The following CSMD3 variants were observed in gnomAD, a reference collection of about 807,000 sequenced individuals.
The protein encoded by CSMD3 is CUB and sushi domain-containing protein 3.
CSMD3 carries 177 observed loss-of-function variants against 435.2 expected under a neutral mutation model. That is an observed-to-expected ratio of 0.41 (90% CI 0.36 to 0.46). The LOEUF (loss-of-function observed/expected upper bound fraction) is 0.46, where lower values mean the gene tolerates loss of function less well. Among genes scored for constraint, CSMD3 ranks in the 20% least tolerant of loss-of-function variants. The pLI is 0.34. For synonymous variants in CSMD3, 1,656 were observed against 1,520.5 expected (o/e 1.09, Z -2.07); for missense variants, 4,265 against 4,504.6 (o/e 0.95, Z 1.52).
chr8:112,249,407 T>C (rs944496158), intron 63 of CSMD3, among the ~76,000 whole-genome samples: 11 of 152,030 alleles, frequency 7.2e-5, no homozygotes, highest in African/African-American at 2.4e-4. Flanking sequence ...TCAGTGGATC[T>C]GGGGTAGGTC....
chr8:112,636,512 T>C (rs992335579), intron 22 of CSMD3, among the ~76,000 whole-genome samples: 24 of 151,946 alleles, frequency 1.6e-4, no homozygotes, highest in African/African-American at 5.1e-4. Flanking sequence ...TCTATCTTTC[T>C]CCATATATCT....
chr8:113,026,215 C>T (rs1432364803), intron 5 of CSMD3, among the ~76,000 whole-genome samples: 1 of 152,182 alleles, frequency 6.6e-6, no homozygotes, highest in Non-Finnish European at 1.5e-5. Context: ...TCCAGCTTAA[C>T]TTTTTCTCAC....
At chr8:113,382,207 C>T (rs565399811) in intron 1 of CSMD3, among the ~76,000 whole-genome samples, 9 of 152,026 alleles carry the variant, frequency 5.9e-5, no homozygotes, top group Admixed American at 1.3e-4. Context: ...TCTTTAAAAA[C>T]GTTGTGCTTA....
chr8:112,500,030 A>T (rs952043949), intron 30 of CSMD3, among the ~76,000 whole-genome samples: 2 of 152,130 alleles, frequency 1.3e-5, no homozygotes, highest in Non-Finnish European at 2.9e-5. Context: ...AATTGCTTGA[A>T]TCCGGGATGC....
rs2130838803 is a variant in CSMD3, at chr8:112,314,616, C to G, written c.7362G>C (p.Val2454=). ...QMDGAPPVCQ[V]LCPANELRLD... Reference sequence around the variant, plus strand: ...GCCGTAATTCATTGGCAGGACAGAGCACTGTCAAAGAAAAATGTCATTAAA... The same window carrying G: ...GCCGTAATTCATTGGCAGGACAGAGGACTGTCAAAGAAAAATGTCATTAAA... Residue 2454 remains valine (V), a splice_region_variant and synonymous_variant, in exon 48 of 71, where the codon GTG becomes GTC. Coordinates refer to ENST00000297405, the MANE Select transcript of CSMD3 (RefSeq NM_198123.2). 6.2e-7 allele frequency: 1 copy of G among 1,608,960 alleles called. No homozygotes were observed. The highest frequency in any genetic ancestry group is 8.5e-7 in the Non-Finnish European group (1 of 1,175,746).
At chr8:113,126,280 A>C (rs1284020826) in intron 4 of CSMD3, among the ~76,000 whole-genome samples, 2 of 152,000 alleles carry the variant, frequency 1.3e-5, no homozygotes, top group Non-Finnish European at 1.5e-5. Flanking sequence ...AATGAGAGAA[A>C]GAAAAAGAAG....
intron 27 of CSMD3, among the ~76,000 whole-genome samples, chr8:112,521,770 T>C (rs764867162): frequency 2.6e-5 from 4 of 151,874 alleles, no homozygotes; most frequent in Admixed American, 1.3e-4. Context: ...TAACTTACTA[T>C]GTCCAAAATA....
intron 1 of CSMD3, among the ~76,000 whole-genome samples, chr8:113,361,177 C>T (rs1167758584): frequency 6.6e-6 from 1 of 152,106 alleles, no homozygotes; most frequent in Non-Finnish European, 1.5e-5. Flanking sequence ...TTTGATTCCC[C>T]TCCCCCTAAT....
chr8:113,205,255 T>C (rs1182922799), intron 3 of CSMD3, among the ~76,000 whole-genome samples: 1 of 152,124 alleles, frequency 6.6e-6, no homozygotes, highest in Non-Finnish European at 1.5e-5. Flanking sequence ...AGTGTTGGGA[T>C]TACAGGCATG....
intron 32 of CSMD3, among the ~76,000 whole-genome samples, chr8:112,455,860 G>T (rs999424188): frequency 6.6e-6 from 1 of 150,806 alleles, no homozygotes; most frequent in Non-Finnish European, 1.5e-5. Context: ...GATGCAAGCT[G>T]GGATTTAAAA....
At chr8:112,400,211 G>T (rs1831201153) in intron 35 of CSMD3, among the ~76,000 whole-genome samples, 1 of 152,212 alleles carries the variant, frequency 6.6e-6, no homozygotes, top group Middle Eastern at 3.4e-3. Context: ...CTAAAGCATT[G>T]GCAGATTCAG....
chr8:112,359,938 T>C (rs956552087), intron 38 of CSMD3, among the ~76,000 whole-genome samples: 1 of 152,066 alleles, frequency 6.6e-6, no homozygotes, highest in Non-Finnish European at 1.5e-5. Flanking sequence ...TCCAACTAGA[T>C]TTTGGAATCT....
chr8:112,586,117 G>C (rs1356601350), intron 23 of CSMD3, among the ~76,000 whole-genome samples: 1 of 151,506 alleles, frequency 6.6e-6, no homozygotes, highest in African/African-American at 2.4e-5. Context: ...TTGTGTTAGA[G>C]AGCCATCAAT....
intron 5 of CSMD3, among the ~76,000 whole-genome samples, chr8:113,082,497 C>T (rs1019917945): frequency 6.6e-6 from 1 of 152,058 alleles, no homozygotes. Flanking sequence ...AAAACTTTGC[C>T]CTATAAATCT....
intron 5 of CSMD3, among the ~76,000 whole-genome samples, chr8:113,043,370 T>C (rs868362478): frequency 6.6e-6 from 1 of 152,170 alleles, no homozygotes; most frequent in Admixed American, 6.5e-5. Context: ...TCTCCTCTTA[T>C]GTATTTTATT....
chr8:112,884,756 G>C (rs1050475304), intron 10 of CSMD3, among the ~76,000 whole-genome samples: 16 of 151,324 alleles, frequency 1.1e-4, no homozygotes, highest in African/African-American at 3.9e-4. Flanking sequence ...CAAAAAGTTT[G>C]GGTAAAAGAG....
intron 1 of CSMD3, among the ~76,000 whole-genome samples, chr8:113,318,710 T>C (rs548763199): frequency 6.6e-6 from 1 of 151,974 alleles, no homozygotes; most frequent in Non-Finnish European, 1.5e-5. Flanking sequence ...CTGGCTTATT[T>C]CACTTAGCAT....
chr8:113,319,232 C>T lies in CSMD3; in HGVS notation c.179-4439G>A, dbSNP rs915013262. 1.1e-4 allele frequency among the ~76,000 whole-genome samples: 16 copies of T among 152,082 alleles called. No homozygotes were observed. In the East Asian group the frequency reaches 3.1e-3, roughly 29 times the overall value. Reference sequence around the variant, plus strand: ...TCCCTGACAACAATTGTTATCTCGTCTTTTTGATAATAATCATACTTACGG... The same window carrying T: ...TCCCTGACAACAATTGTTATCTCGTTTTTTTGATAATAATCATACTTACGG... On this transcript the variant is annotated intron_variant, in intron 1 of 70. Transcript: ENST00000297405.
intron 6 of CSMD3, among the ~76,000 whole-genome samples, chr8:112,978,930 T>C (rs1301138431): frequency 1.3e-5 from 2 of 151,896 alleles, no homozygotes; most frequent in Non-Finnish European, 2.9e-5. Flanking sequence ...TAAAATAATA[T>C]TAGCAATAAT....
Sources: gnomAD v4.1 joint callset for allele counts (sites outside exome capture counted in the v4.1 genomes callset) on GRCh38, gnomAD v4.1.1 for gene constraint, MANE v1.5 for transcripts, NCBI Gene and HGNC (gene_info 2026-07-23, HGNC 2026-07-21) for gene names.